Variants in COL4A4 observed in about 807,000 individuals in gnomAD.
The protein encoded by COL4A4 is collagen type IV alpha 4 chain.
A neutral mutation model predicts 192.9 loss-of-function variants in COL4A4; 105 were observed. The observed-to-expected ratio is 0.54, with a 90% CI of 0.46 to 0.64. The LOEUF (loss-of-function observed/expected upper bound fraction) is 0.64. Ranked by LOEUF, COL4A4 falls within the 30% of genes least tolerant of loss-of-function variation. The pLI, the probability that COL4A4 is intolerant of heterozygous loss-of-function variation, is 0.00. For synonymous variants in COL4A4, 762 were observed against 769.9 expected (o/e 0.99, Z 0.17); for missense variants, 1,967 against 2,169.3 (o/e 0.91, Z 1.85).
chr2:227,043,275 C>A, intron 35 of COL4A4, 91 bp from the exon 36 acceptor site: 5 of 1,088,422 alleles, frequency 4.6e-6, no homozygotes, highest in Non-Finnish European at 7.0e-6. Flanking sequence ...TCTTTTCTAT[C>A]CTTACTTTTT....
In COL4A4 at chr2:227,123,892, G is replaced by A. The variant is rs1204175115; in HGVS notation, c.193-2744C>T. Among the ~76,000 whole-genome samples, 2 of 152,196 alleles carry A rather than the reference G, an allele frequency of 1.3e-5. No individual in the cohort carries two copies. Among genetic ancestry groups the A allele is most frequent in the Non-Finnish European group, 2.9e-5 (2 of 68,034 alleles). ...GGCTATGCGTCAGCCTCCTGGGTTT[G>A]AAGCCCAGGACCACACTGACTTGCT... On this transcript the variant is annotated intron_variant, in intron 4 of 47. Transcript: ENST00000396625. The surrounding 1 kb of genome is among the most constrained non-coding windows in gnomAD (Gnocchi z 4.6).
chr2:227,000,185 A>G (rs953853328), downstream of COL4A4, among the ~76,000 whole-genome samples: 9 of 152,234 alleles, frequency 5.9e-5, no homozygotes, highest in African/African-American at 1.9e-4. Context: ...AGGAGCACCA[A>G]GGCCAACCTC....
chr2:227,054,202 C>G (rs994691035), intron 31 of COL4A4, among the ~76,000 whole-genome samples: 1 of 152,134 alleles, frequency 6.6e-6, no homozygotes, highest in Non-Finnish European at 1.5e-5. Context: ...ACCAGATGGT[C>G]TGCAAAGCCT....
chr2:227,081,141 T>A (rs1284286368), intron 23 of COL4A4, among the ~76,000 whole-genome samples: 4 of 152,194 alleles, frequency 2.6e-5, no homozygotes, highest in Non-Finnish European at 5.9e-5. Flanking sequence ...TTGATTGGAA[T>A]GAAGGATGCC....
At chr2:227,008,414 G>A in intron 46 of COL4A4, 110 bp from the exon 47 acceptor site, 1 of 1,259,108 alleles carries the variant, frequency 7.9e-7, no homozygotes, top group Non-Finnish European at 1.1e-6. Context: ...AAATCTGGAG[G>A]CCCTCGCCAA....
chr2:227,026,059 T>G (rs568482324), intron 42 of COL4A4, among the ~76,000 whole-genome samples: 12 of 152,284 alleles, frequency 7.9e-5, no homozygotes, highest in Non-Finnish European at 1.8e-4. Context: ...GAAACTCTCT[T>G]GAGCAATATA....
At chr2:227,033,504 G>C (rs1191414960) in intron 37 of COL4A4, 23 bp from the exon 38 acceptor site, 2 of 1,606,524 alleles carry the variant, frequency 1.2e-6, no homozygotes, top group Admixed American at 3.3e-5. Flanking sequence ...ACAGGCCTGT[G>C]ACCCAAAGGA....
chr2:227,043,043 G>A, intron 36 of COL4A4, 34 bp downstream of exon 36: 1 of 1,447,116 alleles, frequency 6.9e-7, no homozygotes, highest in Non-Finnish European at 9.7e-7. Context: ...ACACAAGAGT[G>A]CTCAGGAAGT....
At chr2:227,150,783 T>C (rs2063880210) in intron 1 of COL4A4, among the ~76,000 whole-genome samples, 1 of 152,092 alleles carries the variant, frequency 6.6e-6, no homozygotes, top group Non-Finnish European at 1.5e-5. Context: ...AAGAACGGCA[T>C]AGGGGAAACC....
intron 44 of COL4A4, among the ~76,000 whole-genome samples, chr2:227,014,117 A>G (rs964770801): frequency 9.9e-5 from 15 of 152,184 alleles, no homozygotes; most frequent in African/African-American, 3.1e-4. Flanking sequence ...TAGAGTAGCT[A>G]ACTTGCCTAG....
chr2:227,142,097 C>CAAAA (rs531488311), intron 3 of COL4A4, among the ~76,000 whole-genome samples: 1 of 118,930 alleles, frequency 8.4e-6, no homozygotes. Context: ...TTAGTAGATT[C>CAAAA]AAAAAAAAAA....
intron 44 of COL4A4, among the ~76,000 whole-genome samples, chr2:227,019,329 T>C (rs1965533490): frequency 1.3e-5 from 2 of 152,250 alleles, no homozygotes; most frequent in Non-Finnish European, 2.9e-5. Flanking sequence ...AATTTGAATA[T>C]GTATGCAACT....
intron 17 of COL4A4, among the ~76,000 whole-genome samples, chr2:227,101,114 G>A (rs1002043293): frequency 2.6e-5 from 4 of 152,086 alleles, no homozygotes; most frequent in African/African-American, 7.2e-5. Flanking sequence ...AGCCTTTCCT[G>A]TGCTATTCTT....
At chr2:227,010,205 A>C in intron 46 of COL4A4, 108 bp downstream of exon 46, 1 of 1,171,542 alleles carries the variant, frequency 8.5e-7, no homozygotes. Context: ...TAAAAGTAAG[A>C]ATAATCCCAT....
intron 44 of COL4A4, among the ~76,000 whole-genome samples, chr2:227,015,102 T>C (rs1260945697): frequency 6.6e-6 from 1 of 152,096 alleles, no homozygotes; most frequent in Non-Finnish European, 1.5e-5. Flanking sequence ...GGTTTCACCA[T>C]GTTGGCCAGG....
intron 22 of COL4A4, among the ~76,000 whole-genome samples, chr2:227,084,905 G>A (rs371345529): frequency 2.0e-5 from 3 of 152,268 alleles, no homozygotes; most frequent in East Asian, 3.9e-4. Flanking sequence ...GCTGAAGTGG[G>A]AAGATCACCT....
At chr2:227,042,634 A>G (rs994033704) in intron 36 of COL4A4, among the ~76,000 whole-genome samples, 1 of 152,162 alleles carries the variant, frequency 6.6e-6, no homozygotes, top group African/African-American at 2.4e-5. Context: ...AGGAGCTGCT[A>G]TCTGGGCCAG....
chr2:227,137,616 T>C (rs572548580), intron 4 of COL4A4, among the ~76,000 whole-genome samples: 1 of 152,352 alleles, frequency 6.6e-6, no homozygotes, highest in Admixed American at 6.5e-5. Flanking sequence ...CATTGTAAGA[T>C]GTTGAACAGC....
Position 227,140,153 on chromosome 2 carries a change from T to A in COL4A4, c.192+8A>T. On this transcript the variant is annotated splice_region_variant and intron_variant, in intron 4 of 47. Transcript: ENST00000396625. ...AATGCTGCCCATGTTGGTCTTTACA[T>A]CACTTACCCGAGACCCCTTTTCAGG... The A allele has an allele frequency of 6.2e-7, 1 of 1,612,074 alleles. No individual in the cohort carries two copies. The highest frequency in any genetic ancestry group is 8.5e-7 in the Non-Finnish European group (1 of 1,178,116).
Sources: gnomAD v4.1 joint callset for allele counts (sites outside exome capture counted in the v4.1 genomes callset) on GRCh38, gnomAD v4.1.1 for gene constraint, Gnocchi (gnomAD v3.1) non-coding constraint, MANE v1.5 for transcripts, NCBI Gene and HGNC (gene_info 2026-07-23, HGNC 2026-07-21) for gene names.